MAF: variants seen among roughly 807,000 people sequenced by gnomAD.
MAF encodes the protein MAF bZIP transcription factor, also known as transcription factor Maf.
A neutral mutation model predicts 22.0 loss-of-function variants in MAF; 10 were observed. The observed-to-expected ratio is 0.45, with a 90% CI of 0.28 to 0.77. The LOEUF (loss-of-function observed/expected upper bound fraction) is 0.77. Ranked by LOEUF, MAF falls within the 30% of genes least tolerant of loss-of-function variation. The pLI is 0.12. For missense variants in MAF, 544 were observed against 548.4 expected (o/e 0.99, Z 0.08); for synonymous variants, 337 against 255.8 (o/e 1.32, Z -3.03).
At chr16:79,541,515 C>T in the MAF span, among the ~76,000 whole-genome samples, 1 of 152,070 alleles carries the variant, frequency 6.6e-6, no homozygotes, top group African/African-American at 2.4e-5. Context: ...TACACAGGAG[C>T]TGTTCTCCTT....
the MAF span, among the ~76,000 whole-genome samples, chr16:79,285,983 G>A: frequency 8.5e-5 from 13 of 152,238 alleles, no homozygotes; most frequent in African/African-American, 1.2e-4. Flanking sequence ...TCTACAGCAC[G>A]ACAGTGTGTG....
chr16:79,297,661 G>T, the MAF span, among the ~76,000 whole-genome samples: 1 of 152,166 alleles, frequency 6.6e-6, no homozygotes, highest in East Asian at 1.9e-4. Context: ...CCCATAGTGA[G>T]CACTCAGTAA....
chr16:79,354,578 G>C, the MAF span, among the ~76,000 whole-genome samples: 1 of 152,204 alleles, frequency 6.6e-6, no homozygotes, highest in Non-Finnish European at 1.5e-5. Context: ...TAACTGGCCA[G>C]ATAGCCAGGA....
At chr16:79,413,682 G>C in the MAF span, among the ~76,000 whole-genome samples, 1 of 152,146 alleles carries the variant, frequency 6.6e-6, no homozygotes, top group Admixed American at 6.5e-5. Flanking sequence ...TTCACACACA[G>C]ATAATCTCCA....
At chr16:79,547,908 G>GAC in the MAF span, among the ~76,000 whole-genome samples, 4 of 102,938 alleles carry the variant, frequency 3.9e-5, no homozygotes, top group African/African-American at 1.2e-4. Context: ...GTGTGAGAGA[G>GAC]AGAGAGAGAG....
chr16:79,372,298 C>T, the MAF span, among the ~76,000 whole-genome samples: 1 of 152,024 alleles, frequency 6.6e-6, no homozygotes, highest in East Asian at 1.9e-4. Flanking sequence ...GCTGTAGGAA[C>T]AAACATGTAA....
chr16:79,544,786 A>G, the MAF span, among the ~76,000 whole-genome samples: 4 of 151,838 alleles, frequency 2.6e-5, no homozygotes, highest in African/African-American at 9.7e-5. Flanking sequence ...AAAAAAAAAA[A>G]AAAATGTCAG....
At chr16:79,264,182 C>G in the MAF span, among the ~76,000 whole-genome samples, 13 of 152,114 alleles carry the variant, frequency 8.5e-5, no homozygotes, top group Non-Finnish European at 1.6e-4. Context: ...GTAAGCAGAG[C>G]TGGGACTTGA....
chr16:79,493,747 T>TC, the MAF span, among the ~76,000 whole-genome samples: 1 of 152,206 alleles, frequency 6.6e-6, no homozygotes, highest in African/African-American at 2.4e-5. Flanking sequence ...GTATGTGCAT[T>TC]ATGAGCATCA....
chr16:79,238,875 G>C, the MAF span, among the ~76,000 whole-genome samples: 5 of 151,936 alleles, frequency 3.3e-5, no homozygotes, highest in Admixed American at 1.3e-4. Flanking sequence ...TCCTGAACTT[G>C]ACCCCAGCAC....
At chr16:79,489,570 G>A in the MAF span, among the ~76,000 whole-genome samples, 387 of 152,342 alleles carry the variant, frequency 2.5e-3, 8 homozygotes, top group Admixed American at 0.021. Context: ...TTCAGTCTAA[G>A]TGATCAGGGA....
downstream of MAF, among the ~76,000 whole-genome samples, chr16:79,581,118 A>C (rs1419059719): frequency 6.6e-6 from 1 of 151,810 alleles, no homozygotes; most frequent in Non-Finnish European, 1.5e-5. Context: ...TACAGTAAGC[A>C]CCTTAAGTTT....
At chr16:79,467,411 G>A in the MAF span, among the ~76,000 whole-genome samples, 3,232 of 152,300 alleles carry the variant, frequency 0.021, 121 homozygotes, top group African/African-American at 0.074. Context: ...TGTATATCAG[G>A]TACTGTGCTG....
chr16:79,231,866 C>G, the MAF span, among the ~76,000 whole-genome samples: 1 of 151,952 alleles, frequency 6.6e-6, no homozygotes, highest in African/African-American at 2.4e-5. Flanking sequence ...AATGTAGAAT[C>G]TGTGGAAGCC....
chr16:79,466,782 T>A, the MAF span, among the ~76,000 whole-genome samples: 1 of 152,242 alleles, frequency 6.6e-6, no homozygotes, highest in South Asian at 2.1e-4. Flanking sequence ...AATTATCTCA[T>A]GCAACAGACA....
the MAF span, among the ~76,000 whole-genome samples, chr16:79,439,892 A>T: frequency 1.3e-5 from 2 of 152,112 alleles, no homozygotes; most frequent in Non-Finnish European, 2.9e-5. Context: ...ATTTGACATA[A>T]CCCAGTGCAT....
the MAF span, among the ~76,000 whole-genome samples, chr16:79,553,732 G>A: frequency 2.6e-5 from 4 of 152,220 alleles, no homozygotes; most frequent in African/African-American, 4.8e-5. Context: ...AAAACATCAC[G>A]GTTCTACAGT....
the MAF span, among the ~76,000 whole-genome samples, chr16:79,316,727 T>G: frequency 6.6e-6 from 1 of 152,102 alleles, no homozygotes; most frequent in Admixed American, 6.5e-5. Flanking sequence ...GAATATTCAG[T>G]TGGCCTTACA....
the MAF span, among the ~76,000 whole-genome samples, chr16:79,308,821 C>T: frequency 2.0e-5 from 3 of 152,302 alleles, no homozygotes; most frequent in Non-Finnish European, 2.9e-5. Context: ...ATTCCTGACT[C>T]TGGAACCTGG....
Sources: gnomAD v4.1 joint callset for allele counts (sites outside exome capture counted in the v4.1 genomes callset) on GRCh38, gnomAD v4.1.1 for gene constraint, MANE v1.5 for transcripts, NCBI Gene and HGNC (gene_info 2026-07-23, HGNC 2026-07-21) for gene names.